TANK: variants seen among roughly 807,000 people sequenced by gnomAD.
The protein encoded by TANK is TRAF family member associated NFKB activator, also known as TRAF family member-associated NF-kappa-B activator.
TANK carries 15 observed loss-of-function variants against 43.6 expected under a neutral mutation model. The observed-to-expected ratio is 0.34, with a 90% confidence interval of 0.23 to 0.53. The LOEUF is 0.53. TANK is among the 20% of genes least tolerant of loss of function. The pLI is 0.94. For missense variants in TANK, 417 were observed against 498.6 expected, an observed-to-expected ratio of 0.84 and a Z score of 1.56; for synonymous variants, 162 against 178.2, an observed-to-expected ratio of 0.91 and a Z score of 0.73.
chr2:161,223,917 A>G lies in TANK; in HGVS notation c.330A>G (p.Val110=). ...SGIAREKLPK[V]RRQEVSSPRK... ...AGTAATCATTTTGTATGTTTAAGGTAAGAAGACAAGAGGTTTCTTCTCCTA... is the reference window on the plus strand; with the variant it reads ...AGTAATCATTTTGTATGTTTAAGGTGAGAAGACAAGAGGTTTCTTCTCCTA... Residue 110 remains valine (V), a splice_region_variant and synonymous_variant, in exon 5 of 8, where the codon GTA becomes GTG. Coordinates refer to ENST00000392749, the MANE Select transcript of TANK (RefSeq NM_001199135.3). 1 of 1,597,450 alleles carries G rather than the reference A, an allele frequency of 6.3e-7. No homozygotes were observed. Among genetic ancestry groups the G allele is most frequent in the Non-Finnish European group, 8.6e-7 (1 of 1,167,616 alleles).
At chr2:161,174,766 A>G (rs1685105122) in intron 1 of TANK, among the ~76,000 whole-genome samples, 1 of 152,166 alleles carries the variant, frequency 6.6e-6, no homozygotes, top group East Asian at 1.9e-4. Context: ...TGTTTATAGT[A>G]ACCATCATTG....
At chr2:161,230,810 ATAT>A (rs1215370101) in intron 6 of TANK, among the ~76,000 whole-genome samples, 158 bp from the exon 7 acceptor site, 1 of 152,208 alleles carries the variant, frequency 6.6e-6, no homozygotes, top group Non-Finnish European at 1.5e-5. Context: ...GAGACTGCTA[ATAT>A]TCTGTGTAAG....
At chr2:161,158,994 A>T (rs1252772577), upstream of TANK, among the ~76,000 whole-genome samples, 1 of 152,200 alleles carries the variant, frequency 6.6e-6, no homozygotes, top group African/African-American at 2.4e-5. Context: ...ACAACAATAA[A>T]ATATGACACA....
intron 1 of TANK, among the ~76,000 whole-genome samples, chr2:161,173,731 A>G (rs937903789): frequency 1.3e-5 from 2 of 152,140 alleles, no homozygotes; most frequent in Admixed American, 6.5e-5. Context: ...AGAAAAAGGC[A>G]AAGACCATGA....
At chr2:161,208,772 C>T (rs1466284828) in intron 4 of TANK, among the ~76,000 whole-genome samples, 2 of 152,172 alleles carry the variant, frequency 1.3e-5, no homozygotes, top group Non-Finnish European at 1.5e-5. Context: ...GCTAACTTCA[C>T]TCAAAGTAAG....
At chr2:161,218,705 A>C (rs1264230063) in intron 4 of TANK, among the ~76,000 whole-genome samples, 1 of 152,210 alleles carries the variant, frequency 6.6e-6, no homozygotes, top group Non-Finnish European at 1.5e-5. Flanking sequence ...TAAGTAATAC[A>C]TGCAAATTGC....
intron 4 of TANK, among the ~76,000 whole-genome samples, chr2:161,222,233 A>AGG (rs1388607838): frequency 6.6e-6 from 1 of 151,992 alleles, no homozygotes; most frequent in Non-Finnish European, 1.5e-5. Context: ...CTAAAACTAC[A>AGG]GGGCATTACT....
intron 2 of TANK, among the ~76,000 whole-genome samples, chr2:161,184,684 G>T (rs932145719): frequency 6.6e-6 from 1 of 152,162 alleles, no homozygotes; most frequent in African/African-American, 2.4e-5. Context: ...CTCAGATGGT[G>T]TCCTGGTATC....
At chr2:161,214,902 C>T (rs1687051522) in intron 4 of TANK, among the ~76,000 whole-genome samples, 2 of 152,204 alleles carry the variant, frequency 1.3e-5, no homozygotes, top group South Asian at 4.1e-4. Flanking sequence ...CTTATACATG[C>T]AATGGTTACA....
At chr2:161,212,001 C>T (rs1686912300) in intron 4 of TANK, 1 of 921,414 alleles carries the variant, frequency 1.1e-6, no homozygotes, top group Non-Finnish European at 1.3e-6. Flanking sequence ...AGGAAAATAA[C>T]TATCTTCAAC....
chr2:161,198,658 T>C (rs1344657205), intron 2 of TANK, among the ~76,000 whole-genome samples: 1 of 152,228 alleles, frequency 6.6e-6, no homozygotes, highest in Non-Finnish European at 1.5e-5. Context: ...CTTTCAATCC[T>C]TCAGGTAAGT....
At chr2:161,161,374 G>A in intron 1 of TANK, 1 of 1,550,790 alleles carries the variant, frequency 6.4e-7, no homozygotes, top group Non-Finnish European at 8.7e-7. Flanking sequence ...AAAATGACCT[G>A]CCTTCTTACC....
chr2:161,233,533 A>G (rs1029996354), intron 7 of TANK, among the ~76,000 whole-genome samples: 1 of 152,152 alleles, frequency 6.6e-6, no homozygotes, highest in Non-Finnish European at 1.5e-5. Flanking sequence ...TCTATTTTAT[A>G]TATTCAGCTA....
In TANK at chr2:161,232,606, T is replaced by C. The variant is rs1025510726; in HGVS notation, c.1101+1055T>C. On this transcript the variant is annotated intron_variant, in intron 7 of 7. Transcript: ENST00000392749. ...ACATCATAGTCTCAGTTATAGTTGC[T>C]ACTAAATGAAACAAATTAAACAATT... 18 of 1,107,342 alleles carry C rather than the reference T, an allele frequency of 1.6e-5. No homozygotes were observed. In the African/African-American group the frequency reaches 2.5e-4, roughly 15 times the overall value. 68.6% of individuals were successfully genotyped at this position (1,107,342 alleles called of 1,614,324 possible).
At chr2:161,175,254 T>C (rs1193183319) in intron 1 of TANK, among the ~76,000 whole-genome samples, 1 of 152,172 alleles carries the variant, frequency 6.6e-6, no homozygotes, top group African/African-American at 2.4e-5. Flanking sequence ...ATATTGACCA[T>C]AACACCCTGG....
intron 4 of TANK, among the ~76,000 whole-genome samples, chr2:161,205,785 G>A (rs1686624993): frequency 6.6e-6 from 1 of 152,076 alleles, no homozygotes; most frequent in Non-Finnish European, 1.5e-5. Flanking sequence ...TGTTGTTGTT[G>A]TTGGTTTTGT....
At chr2:161,173,776 C>T (rs1261020067) in intron 1 of TANK, among the ~76,000 whole-genome samples, 2 of 152,114 alleles carry the variant, frequency 1.3e-5, no homozygotes, top group African/African-American at 4.8e-5. Context: ...AAAGGAGTGC[C>T]TATTGTGTGT....
chr2:161,167,866 C>T (rs190866435), intron 1 of TANK, among the ~76,000 whole-genome samples: 24 of 152,138 alleles, frequency 1.6e-4, no homozygotes, highest in Admixed American at 4.6e-4. Flanking sequence ...CCTTGTGATA[C>T]GCTCGCCTCG....
At chr2:161,232,624 A>G (rs956963150) in intron 7 of TANK, 2 of 1,296,424 alleles carry the variant, frequency 1.5e-6, no homozygotes, top group Admixed American at 2.9e-5. Context: ...GAAACAAATT[A>G]AACAATTTCA....
Sources: allele counts gnomAD v4.1 joint callset (sites outside exome capture counted in the v4.1 genomes callset), GRCh38; gene constraint gnomAD v4.1.1; transcripts MANE v1.5; gene names NCBI Gene and HGNC (gene_info 2026-07-23, HGNC 2026-07-21).